The following PIP4P2 variants were observed in gnomAD, a reference collection of about 807,000 sequenced individuals.
The protein encoded by PIP4P2 is type 2 phosphatidylinositol 4,5-bisphosphate 4-phosphatase.
Under a neutral mutation model 33.3 loss-of-function variants are expected in PIP4P2, and 19 were observed. The ratio of observed to expected loss-of-function variants is 0.57; its 90% confidence interval spans 0.40 to 0.84. The LOEUF (loss-of-function observed/expected upper bound fraction) is 0.84, where lower values mean the gene tolerates loss of function less well. Ranked by LOEUF, PIP4P2 falls within the 40% of genes least tolerant of loss-of-function variation. The pLI is 0.00. For missense variants in PIP4P2, 270 were observed against 324.7 expected (o/e 0.83, Z 1.29); for synonymous variants, 110 against 111.9 (o/e 0.98, Z 0.11).
chr8:91,028,763 G>A (rs1812118312), intron 1 of PIP4P2, among the ~76,000 whole-genome samples: 1 of 152,130 alleles, frequency 6.6e-6, no homozygotes, highest in Non-Finnish European at 1.5e-5. Flanking sequence ...ATGCAAGGAT[G>A]GTGATACCCA....
intron 1 of PIP4P2, among the ~76,000 whole-genome samples, chr8:91,038,683 A>C (rs7016665): frequency 0.48 from 73,682 of 151,976 alleles, 19,663 homozygotes; most frequent in South Asian, 0.65. Flanking sequence ...TATTTATTAC[A>C]ATGTTTGTTA....
intron 1 of PIP4P2, among the ~76,000 whole-genome samples, chr8:91,025,656 G>A (rs1307768537): frequency 1.3e-5 from 2 of 152,138 alleles, no homozygotes; most frequent in Non-Finnish European, 1.5e-5. Flanking sequence ...TATCAAAACT[G>A]AAAATGACGT....
At chr8:91,035,951 G>A (rs1485861840) in intron 1 of PIP4P2, among the ~76,000 whole-genome samples, 1 of 152,000 alleles carries the variant, frequency 6.6e-6, no homozygotes, top group Non-Finnish European at 1.5e-5. Flanking sequence ...GGTCAAGACT[G>A]CAGTGAGCTA....
chr8:91,002,802 A>G (rs1460237339), intron 5 of PIP4P2, among the ~76,000 whole-genome samples: 1 of 152,202 alleles, frequency 6.6e-6, no homozygotes, highest in Non-Finnish European at 1.5e-5. Flanking sequence ...GGAAAGGAGT[A>G]GCCAGGCCAT....
chr8:91,017,393 C>T (rs1811932262), intron 4 of PIP4P2, among the ~76,000 whole-genome samples: 1 of 151,566 alleles, frequency 6.6e-6, no homozygotes, highest in African/African-American at 2.4e-5. Flanking sequence ...AGTGAGACTT[C>T]ATCTCAAAAA....
intron 4 of PIP4P2, among the ~76,000 whole-genome samples, chr8:91,011,224 G>A (rs2130360234): frequency 6.6e-6 from 1 of 152,108 alleles, no homozygotes. Flanking sequence ...GGCAAAGTTA[G>A]AACTAAGTTG....
In PIP4P2 at chr8:90,994,264, A is replaced by G. The variant is rs943645268; in HGVS notation, c.*1413T>C. On this transcript the variant is annotated 3_prime_UTR_variant, in exon 7 of 7. Transcript: ENST00000285419. Reference sequence around the variant, plus strand: ...GACATTATTTTTAATGGAATAAAACAAGGTAATTTTTGAACAATAATCTTT... The same window carrying G: ...GACATTATTTTTAATGGAATAAAACGAGGTAATTTTTGAACAATAATCTTT... 6.6e-6 allele frequency: 1 copy of G among 152,156 alleles called. No homozygotes were observed. The highest frequency in any genetic ancestry group is 2.4e-5 in the African/African-American group (1 of 41,460). 9.4% of individuals were successfully genotyped at this position (152,156 alleles called of 1,614,324 possible). A position where few individuals can be genotyped will look rare whatever the true frequency, so the allele number is the denominator to read the frequency against.
intron 1 of PIP4P2, among the ~76,000 whole-genome samples, chr8:91,038,765 T>C: frequency 6.6e-6 from 1 of 152,232 alleles, no homozygotes; most frequent in East Asian, 1.9e-4. Flanking sequence ...TCTTCCTTAG[T>C]AGGTGTTATG....
chr8:91,028,455 A>C (rs952004628), intron 1 of PIP4P2, among the ~76,000 whole-genome samples: 1 of 152,236 alleles, frequency 6.6e-6, no homozygotes, highest in Non-Finnish European at 1.5e-5. Context: ...GTGGTTAAAC[A>C]GTGCTAATTC....
chr8:91,031,692 G>A (rs1045454473), intron 1 of PIP4P2, among the ~76,000 whole-genome samples: 6 of 152,064 alleles, frequency 3.9e-5, no homozygotes, highest in African/African-American at 9.7e-5. Flanking sequence ...CATGCTAGTT[G>A]GGCTTCTAAT....
chr8:90,998,964 A>G (rs1811665301), intron 5 of PIP4P2, among the ~76,000 whole-genome samples: 1 of 152,140 alleles, frequency 6.6e-6, no homozygotes, highest in African/African-American at 2.4e-5. Flanking sequence ...ATCAAAGGAA[A>G]CTATCAACAG....
At chr8:91,026,095 C>T (rs1203981114) in intron 1 of PIP4P2, among the ~76,000 whole-genome samples, 1 of 152,180 alleles carries the variant, frequency 6.6e-6, no homozygotes, top group African/African-American at 2.4e-5. Context: ...GGAGCAGGAA[C>T]TCTGCAAACC....
At chr8:91,030,147 G>T (rs1812143134) in intron 1 of PIP4P2, among the ~76,000 whole-genome samples, 1 of 148,736 alleles carries the variant, frequency 6.7e-6, no homozygotes, top group Admixed American at 6.8e-5. Flanking sequence ...CTACCTATAG[G>T]AAGAAAAAGT....
rs190320126 is a variant in PIP4P2, at chr8:91,030,781, A to T, written c.107-9377T>A. On this transcript the variant is annotated intron_variant, in intron 1 of 6. Coordinates refer to ENST00000285419, the MANE Select transcript of PIP4P2 (RefSeq NM_018710.3). The stretch of plus-strand genomic sequence containing the variant: ...TTACAAAAGAGAGTATGACTTATAA[A>T]CTATTCTTCATCTCATTGTTTTTTC... 2.6e-3 allele frequency among the ~76,000 whole-genome samples: 389 copies of T among 152,264 alleles called. 2 individuals are homozygous for T. Among genetic ancestry groups the T allele is most frequent in the African/African-American group, 8.8e-3 (365 of 41,548 alleles).
At chr8:91,009,056 A>G (rs1256408927) in intron 4 of PIP4P2, among the ~76,000 whole-genome samples, 1 of 152,102 alleles carries the variant, frequency 6.6e-6, no homozygotes, top group Admixed American at 6.6e-5. Flanking sequence ...TGAATGTAAT[A>G]CCATAATTGG....
In PIP4P2 at chr8:90,995,544, A is replaced by G. The variant is rs1811617133; in HGVS notation, c.*133T>C. 16 of 1,122,402 alleles carry G rather than the reference A, an allele frequency of 1.4e-5. No individual in the cohort carries two copies. The highest frequency in any genetic ancestry group is 1.9e-5 in the Non-Finnish European group (16 of 843,904). 69.5% of individuals were successfully genotyped at this position (1,122,402 alleles called of 1,614,324 possible). A position where few individuals can be genotyped will look rare whatever the true frequency, so the allele number is the denominator to read the frequency against. On this transcript the variant is annotated 3_prime_UTR_variant, in exon 7 of 7. Coordinates refer to ENST00000285419, the MANE Select transcript of PIP4P2 (RefSeq NM_018710.3). ...TGCAATGAGCATTTGTTCATAAAAG[A>G]CTCCCAAAGTCTTGAAACGATTATA...
chr8:91,016,969 C>G (rs1010309358), intron 4 of PIP4P2, among the ~76,000 whole-genome samples: 1 of 152,030 alleles, frequency 6.6e-6, no homozygotes, highest in African/African-American at 2.4e-5. Context: ...AAAAATGTAC[C>G]ACATTGCTTG....
intron 1 of PIP4P2, among the ~76,000 whole-genome samples, chr8:91,027,985 G>A (rs967165174): frequency 1.3e-5 from 2 of 152,210 alleles, no homozygotes; most frequent in African/African-American, 4.8e-5. Flanking sequence ...TACAGTATGA[G>A]ATGACTCCAT....
At chr8:91,030,169 G>A (rs1397558600) in intron 1 of PIP4P2, among the ~76,000 whole-genome samples, 1 of 148,136 alleles carries the variant, frequency 6.8e-6, no homozygotes, top group Non-Finnish European at 1.5e-5. Flanking sequence ...GATCTCATTT[G>A]TGCCATTGCA....
Sources: allele counts gnomAD v4.1 joint callset (sites outside exome capture counted in the v4.1 genomes callset), GRCh38; gene constraint gnomAD v4.1.1; transcripts MANE v1.5; gene names NCBI Gene and HGNC (gene_info 2026-07-23, HGNC 2026-07-21).